The following TMEM132B variants were observed in gnomAD, a reference collection of about 807,000 sequenced individuals.
TMEM132B encodes transmembrane protein 132B.
TMEM132B carries 18 observed loss-of-function variants against 90.8 expected under a neutral mutation model. The ratio of observed to expected loss-of-function variants is 0.20; its 90% CI spans 0.14 to 0.29. TMEM132B has a LOEUF of 0.29. TMEM132B is among the 10% of genes least tolerant of loss of function. The pLI is 1.00. For missense variants in TMEM132B, 1,096 were observed against 1,326.8 expected (o/e 0.83, Z 2.70); for synonymous variants, 504 against 523.3 (o/e 0.96, Z 0.50).
intron 6 of TMEM132B, among the ~76,000 whole-genome samples, chr12:125,650,243 G>A (rs962405856): frequency 7.2e-5 from 11 of 152,116 alleles, no homozygotes; most frequent in African/African-American, 2.7e-4. Context: ...GGGGCCAGCT[G>A]TTCCTATGTT....
chr12:125,586,739 T>C (rs527762180), intron 5 of TMEM132B: 9 of 152,224 alleles, frequency 5.9e-5, no homozygotes, highest in Non-Finnish European at 1.2e-4. Flanking sequence ...GTCACCCTTA[T>C]GTTATTTACA....
In TMEM132B at chr12:125,186,429, A is replaced by AAAG. The variant is rs1486236027; in HGVS notation, c.-371_-370insAAG. 1.5e-5 allele frequency among the ~76,000 whole-genome samples: 2 copies of AAAG among 129,486 alleles called. No homozygotes were observed. Among genetic ancestry groups the AAAG allele is most frequent in the East Asian group, 6.0e-4 (2 of 3,308 alleles). 84.9% of individuals were successfully genotyped at this position (129,486 alleles called of 152,430 possible). ...GGGGCGGCCGGCAGATGGCGATGGCAGAGGCGGCGGCGGCGGCGGCGGCGC... is the reference window on the plus strand; with the variant it reads ...GGGGCGGCCGGCAGATGGCGATGGCAAAGGAGGCGGCGGCGGCGGCGGCGGCGC... On this transcript the variant is annotated 5_prime_UTR_variant, in exon 1 of 9. Transcript: ENST00000682704. The surrounding 1 kb of genome is among the most constrained non-coding windows in gnomAD (Gnocchi z 6.3).
chr12:125,231,031 C>G (rs1873808697), intron 1 of TMEM132B, among the ~76,000 whole-genome samples: 1 of 152,134 alleles, frequency 6.6e-6, no homozygotes, highest in African/African-American at 2.4e-5. Flanking sequence ...TTTTGCGATT[C>G]TGGAGGCCAG....
intron 2 of TMEM132B, among the ~76,000 whole-genome samples, chr12:125,364,317 A>G (rs1362114892): frequency 2.0e-5 from 3 of 152,140 alleles, no homozygotes. Context: ...ATTTTGAAAA[A>G]TTTTAAACAT....
intron 1 of TMEM132B, among the ~76,000 whole-genome samples, chr12:125,196,624 G>A (rs1027010135): frequency 6.6e-6 from 1 of 152,202 alleles, no homozygotes; most frequent in African/African-American, 2.4e-5. Flanking sequence ...CAGGGGAATT[G>A]CTTGAGCCTG....
At chr12:125,287,160 C>T (rs1316993728) in intron 1 of TMEM132B, among the ~76,000 whole-genome samples, 2 of 151,964 alleles carry the variant, frequency 1.3e-5, no homozygotes, top group Non-Finnish European at 1.5e-5. Context: ...CCGGCCTTGC[C>T]CCGACCTTTT....
At chr12:125,574,107 A>T (rs1884875503) in intron 4 of TMEM132B, among the ~76,000 whole-genome samples, 1 of 151,722 alleles carries the variant, frequency 6.6e-6, no homozygotes, top group Non-Finnish European at 1.5e-5. Context: ...TGAACTGATG[A>T]CCTTGTTTGG....
chr12:125,582,762 C>T (rs1385716964), intron 4 of TMEM132B, among the ~76,000 whole-genome samples: 2 of 152,184 alleles, frequency 1.3e-5, no homozygotes, highest in Non-Finnish European at 2.9e-5. Context: ...AAGCTTTGTA[C>T]ATTGATTGAT....
intron 5 of TMEM132B, among the ~76,000 whole-genome samples, chr12:125,611,280 T>G (rs1885818309): frequency 1.3e-5 from 2 of 152,126 alleles, no homozygotes; most frequent in African/African-American, 2.4e-5. Context: ...TATAACTACT[T>G]GGGTTTTTTT....
chr12:125,563,490 C>T (rs12314273), intron 4 of TMEM132B, among the ~76,000 whole-genome samples: 138,391 of 151,884 alleles, frequency 0.91, 63,061 homozygotes, highest in Middle Eastern at 0.96. Flanking sequence ...TGCTTGAATC[C>T]GGGAGGCAGA....
At chr12:125,605,106 C>T (rs554010494) in intron 5 of TMEM132B, among the ~76,000 whole-genome samples, 4 of 152,234 alleles carry the variant, frequency 2.6e-5, no homozygotes, top group Non-Finnish European at 5.9e-5. Context: ...TCAATCATCA[C>T]TAATGAGAAA....
At chr12:125,485,909 A>G (rs1056504688) in intron 3 of TMEM132B, among the ~76,000 whole-genome samples, 1 of 152,106 alleles carries the variant, frequency 6.6e-6, no homozygotes, top group Non-Finnish European at 1.5e-5. Context: ...TTTTCTTTTT[A>G]TTCCTATTAG....
intron 3 of TMEM132B, among the ~76,000 whole-genome samples, chr12:125,430,103 G>A (rs187889025): frequency 1.3e-4 from 20 of 152,224 alleles, no homozygotes; most frequent in South Asian, 2.1e-4. Flanking sequence ...GCACTGTACC[G>A]TGCCTGACAC....
intron 1 of TMEM132B, among the ~76,000 whole-genome samples, chr12:125,265,825 C>T (rs1467371631): frequency 2.0e-5 from 3 of 152,176 alleles, no homozygotes; most frequent in Non-Finnish European, 4.4e-5. Flanking sequence ...GTAGTGACTT[C>T]TCATTCATTC....
intron 3 of TMEM132B, among the ~76,000 whole-genome samples, chr12:125,491,234 A>G (rs901189956): frequency 1.3e-5 from 2 of 151,784 alleles, no homozygotes; most frequent in Admixed American, 1.3e-4. Flanking sequence ...TGTTATTAAT[A>G]TAAATATTTT....
chr12:125,347,305 G>A (rs922622895), intron 1 of TMEM132B, among the ~76,000 whole-genome samples: 1 of 152,190 alleles, frequency 6.6e-6, no homozygotes, highest in Non-Finnish European at 1.5e-5. Context: ...AGTAATTGGA[G>A]GAATGAATAA....
intron 1 of TMEM132B, among the ~76,000 whole-genome samples, chr12:125,241,576 A>G (rs1009346149): frequency 6.6e-6 from 1 of 152,182 alleles, no homozygotes; most frequent in African/African-American, 2.4e-5. Context: ...TCTGTACGAC[A>G]GTGGGTTTCC....
At position 125,490,562 on chromosome 12, in the gene TMEM132B, C is replaced by T. The variant is rs1404471366; in HGVS notation, c.1107-28877C>T. Among the ~76,000 whole-genome samples, 1 of 152,120 alleles carries T rather than the reference C, an allele frequency of 6.6e-6. No homozygotes were observed. The highest frequency in any genetic ancestry group is 1.5e-5 in the Non-Finnish European group (1 of 68,026). The stretch of plus-strand genomic sequence containing the variant: ...CACTGCAAGCTCTGCCTCCCGGGTT[C>T]ACACCATTCTCCTGCCTTAGCCTCC... On this transcript the variant is annotated intron_variant, in intron 3 of 8. Transcript: ENST00000682704. The surrounding 1 kb of genome is among the most constrained non-coding windows in gnomAD (Gnocchi z 4.2).
At chr12:125,600,049 G>T (rs973584226) in intron 5 of TMEM132B, among the ~76,000 whole-genome samples, 27 of 152,234 alleles carry the variant, frequency 1.8e-4, no homozygotes, top group African/African-American at 6.3e-4. Context: ...AAGGCAAGGA[G>T]TTTGGGTTTT....
Sources: gnomAD v4.1 joint callset for allele counts (sites outside exome capture counted in the v4.1 genomes callset) on GRCh38, gnomAD v4.1.1 for gene constraint, Gnocchi (gnomAD v3.1) non-coding constraint, MANE v1.5 for transcripts, NCBI Gene and HGNC (gene_info 2026-07-23, HGNC 2026-07-21) for gene names.